NLRP6: variants seen among roughly 807,000 people sequenced by gnomAD.
NLRP6 encodes the protein NLR family pyrin domain containing 6.
Under a neutral mutation model 70.9 loss-of-function variants are expected in NLRP6, and 55 were observed. That is an observed-to-expected ratio of 0.78 (90% CI 0.62 to 0.97). NLRP6 has a LOEUF of 0.97. NLRP6 is among the 50% of genes least tolerant of loss of function. The pLI is 0.00. For synonymous variants in NLRP6, 652 were observed against 581.9 expected (o/e 1.12, Z -1.73); for missense variants, 1,241 against 1,238.3 (o/e 1.00, Z -0.03).
In NLRP6 at chr11:281,109, C is replaced by A; in HGVS notation, c.1375C>A (p.Gln459Lys). The change falls in exon 4 of 8, where the codon CAG becomes AAG. Residue 459 changes from glutamine (Q) to lysine (K), a missense_variant. By Grantham distance (53) the Gln-to-Lys change is moderately conservative. Transcript: ENST00000534750. ...AREGVLGRRA[Q>K]FAEKELEQLE... ...CGAGGGCGTCCTCGGACGCAGGGCG[C>A]AGTTTGCCGAGAAGGAACTGGAGCA... 1 of 1,612,752 alleles carries A rather than the reference C, an allele frequency of 6.2e-7. No homozygotes were observed.
In NLRP6 at chr11:280,810, A is replaced by C; in HGVS notation, c.1076A>C (p.Tyr359Ser). 6.2e-7 allele frequency: 1 copy of C among 1,612,926 alleles called. No individual in the cohort carries two copies. The highest frequency in any genetic ancestry group is 8.5e-7 in the Non-Finnish European group (1 of 1,179,850). The change falls in exon 4 of 8, where the codon TAC (tyrosine) becomes TCC (serine). Residue 359 changes from tyrosine (Y) to serine (S), a missense_variant. By Grantham distance (144) the Tyr-to-Ser change is moderately radical. Transcript: ENST00000534750. ...GACAAGGACAAGAAGAAGTATTTCT[A>C]CAAGTATTTCCGGGATGAGAGGAGG... Reference protein sequence around the residue: ...FSDKDKKKYFYKYFRDERRAE... With the variant: ...FSDKDKKKYFSKYFRDERRAE...
chr11:284,416 G>A lies in NLRP6; in HGVS notation c.2369+16G>A. ...AGACGGTCAGGTGAGGCCTGGCCTG[G>A]GAGGGACCGTGGGATGCCCCCGCCA... On this transcript the variant is annotated intron_variant, in intron 6 of 7. Coordinates refer to ENST00000534750, the MANE Select transcript of NLRP6 (RefSeq NM_001276700.2). 6.2e-7 allele frequency: 1 copy of A among 1,600,094 alleles called. No homozygotes were observed. The highest frequency in any genetic ancestry group is 8.5e-7 in the Non-Finnish European group (1 of 1,170,904).
Position 280,616 on chromosome 11 carries a change from C to T in NLRP6, c.882C>T (p.Pro294=). Residue 294 remains proline, a synonymous_variant, in exon 4 of 8, where the codon CCC becomes CCT. Transcript: ENST00000534750. The part of the protein sequence containing the change: ...LPALGGPEAA[P]CTDPFEAASG... ...CGCTGGGGGGCCCCGAGGCCGCGCC[C>T]TGCACAGACCCCTTCGAGGCGGCGA... is the stretch of plus-strand genomic sequence containing the variant. The T allele has an allele frequency of 2.7e-6, 4 of 1,483,470 alleles. 1 individual carries two copies. The South Asian group carries it at 5.4e-5, about 20-fold the overall frequency. 91.9% of individuals were successfully genotyped at this position (1,483,470 alleles called of 1,614,324 possible).
Position 279,464 on chromosome 11 carries a change from TG to T in NLRP6, c.169del (p.Glu57SerfsTer77). 1 of 1,416,328 alleles carries T rather than the reference TG, an allele frequency of 7.1e-7. No individual in the cohort carries two copies. Among genetic ancestry groups the T allele is most frequent in the South Asian group, 1.5e-5 (1 of 67,776 alleles). 87.7% of individuals were successfully genotyped at this position (1,416,328 alleles called of 1,614,324 possible). A position where few individuals can be genotyped will look rare whatever the true frequency, so the allele number is the denominator to read the frequency against. On this transcript the variant is annotated frameshift_variant, in exon 2 of 8. Transcript: ENST00000534750. LOFTEE classifies it high-confidence loss of function. ...GGACGCAGCATCCCGTGGGGGCGGC[TG>T]GAGCGCGCGGACGCCGTGGACCTCG... ...PDGRSIPWGR[L>X]ERADAVDLAE...
intron 7 of NLRP6, 117 bp downstream of exon 7, chr11:284,759 G>A: frequency 1.0e-6 from 1 of 970,612 alleles, no homozygotes; most frequent in South Asian, 1.6e-5. Flanking sequence ...GACCTCCCAT[G>A]TGACTGAGCT....
rs750200442 is a variant in NLRP6 at position 280,571 on chromosome 11, C to T, written c.837C>T (p.Asp279=). ...AQPQRLLFIL[D]GADELPALGG... is the part of the protein sequence containing the mutation. ...CGCAGCGGCTGCTCTTCATCCTGGA[C>T]GGCGCGGACGAGCTGCCGGCGCTGG... The change falls in exon 4 of 8, where the codon GAC becomes GAT. Residue 279 remains aspartate (D), a synonymous_variant. Transcript: ENST00000534750. The T allele has an allele frequency of 2.2e-5, 33 of 1,469,760 alleles. No homozygotes were observed. The highest frequency in any genetic ancestry group is 2.8e-5 in the Non-Finnish European group (32 of 1,124,846). 91.0% of individuals were successfully genotyped at this position (1,469,760 alleles called of 1,614,324 possible).
At position 281,176 on chromosome 11, in the gene NLRP6, G is replaced by T; in HGVS notation, c.1442G>T (p.Ser481Ile). The T allele has an allele frequency of 6.2e-7, 1 of 1,613,188 alleles. No individual in the cohort carries two copies. Residue 481 changes from serine to isoleucine, a missense_variant, in exon 4 of 8, where the codon AGC becomes ATC. Physicochemically the swap from Ser to Ile is moderately radical, Grantham distance 142 (BLOSUM62 -2). Coordinates refer to ENST00000534750, the MANE Select transcript of NLRP6 (RefSeq NM_001276700.2). ...RGSKVQTLFL[S>I]KKELPGVLET... ...TCCAAAGTGCAGACGCTGTTTCTCA[G>T]CAAAAAGGAGCTGCCGGGCGTGCTG...
chr11:284,555 A>T lies in NLRP6; in HGVS notation c.2450A>T (p.Asp817Val), dbSNP rs780417395. The change falls in exon 7 of 8, where the codon GAT (aspartate) becomes GTT (valine). Residue 817 changes from aspartate (D) to valine (V), a missense_variant. Asp to Val is a radical substitution (Grantham distance 152). Transcript: ENST00000534750. ...CAGAGCCCTGCCCTGACCACCCTGG[A>T]TCTCAGCGGCTGCCAACTGCCCGCC... ...LRQSPALTTL[D>V]LSGCQLPAPM... is the part of the protein sequence containing the mutation. The T allele has an allele frequency of 1.2e-6, 2 of 1,612,694 alleles. No homozygotes were observed. Among genetic ancestry groups the T allele is most frequent in the Non-Finnish European group, 1.7e-6 (2 of 1,179,812 alleles).
Position 285,293 on chromosome 11 carries a change from T to C in NLRP6, c.2665T>C (p.Ser889Pro). ...CCCACAACCTCCCAAGGAACTCATC[T>C]CGACCTTCTGAGGCTCTGGTGGCCA... ...GHPQPPKELI[S>P]TF Residue 889 changes from serine to proline, a missense_variant, in exon 8 of 8, where the codon TCG becomes CCG. Physicochemically the swap from Ser to Pro is moderately conservative, Grantham distance 74. Coordinates refer to ENST00000534750, the MANE Select transcript of NLRP6 (RefSeq NM_001276700.2). 6.2e-7 allele frequency: 1 copy of C among 1,609,156 alleles called. No homozygotes were observed. Among genetic ancestry groups the C allele is most frequent in the Non-Finnish European group, 8.5e-7 (1 of 1,177,582 alleles).
Position 278,457 on chromosome 11 carries a change from T to G in NLRP6, c.-113T>G. 1.2e-6 allele frequency: 1 copy of G among 829,732 alleles called. No individual in the cohort carries two copies. The allele number at this position is 829,732 out of a possible 1,614,324, so 51.4% of individuals were successfully genotyped here. ...AGCTGCGGTGTGTGGACCCGGGGAATGGACCGGGCTGGACAACCTCTAAGA... is the reference window on the plus strand; with the variant it reads ...AGCTGCGGTGTGTGGACCCGGGGAAGGGACCGGGCTGGACAACCTCTAAGA... On this transcript the variant is annotated 5_prime_UTR_variant, in exon 1 of 8. An upstream start codon of the reference 5' UTR is lost. Coordinates refer to ENST00000534750, the MANE Select transcript of NLRP6 (RefSeq NM_001276700.2). This position sits in a 1 kb window ranked among gnomAD's most constrained non-coding sequence, Gnocchi z 4.7.
rs748876484 is a variant in NLRP6 at position 279,879 on chromosome 11, C to G, written c.349+7C>G. ...ACGCTGCTCTCCGTGTCCGGTGGGT[C>G]TCTCGCTGGGGGGGCACGAGTGTCC... On this transcript the variant is annotated splice_region_variant and intron_variant, in intron 3 of 7. Coordinates refer to ENST00000534750, the MANE Select transcript of NLRP6 (RefSeq NM_001276700.2). 1.7e-5 allele frequency: 26 copies of G among 1,536,466 alleles called. No individual in the cohort carries two copies. Among genetic ancestry groups the G allele is most frequent in the Non-Finnish European group, 2.1e-5 (24 of 1,145,420 alleles).
chr11:280,164 A>G lies in NLRP6; in HGVS notation c.430A>G (p.Thr144Ala), dbSNP rs1845446698. The change falls in exon 4 of 8, where the codon ACC becomes GCC. Residue 144 changes from threonine (T) to alanine (A), a missense_variant. Coordinates refer to ENST00000534750, the MANE Select transcript of NLRP6 (RefSeq NM_001276700.2). ...KERNARSVKI[T>A]KRFTKLLIAP... is the part of the protein sequence containing the mutation. ...GAGGAACGCCCGCTCCGTGAAGATCACCAAGCGCTTCACCAAGCTGCTCAT... is the reference window on the plus strand; with the variant it reads ...GAGGAACGCCCGCTCCGTGAAGATCGCCAAGCGCTTCACCAAGCTGCTCAT... 3 of 1,550,728 alleles carry G rather than the reference A, an allele frequency of 1.9e-6. No individual in the cohort carries two copies. The highest frequency in any genetic ancestry group is 2.6e-6 in the Non-Finnish European group (3 of 1,147,920).
Position 284,489 on chromosome 11 carries a change from A to G in NLRP6, c.2384A>G (p.Asp795Gly), listed in dbSNP as rs200680558. ...RVQTVRVQLP[D>G]PQRGLQYLVG... ...CCCTCCCACAGGGTACAGCTGCCTG[A>G]CCCCCAGCGAGGGCTCCAGTACCTG... The change falls in exon 7 of 8, where the codon GAC (aspartate) becomes GGC (glycine). Residue 795 changes from aspartate to glycine, a missense_variant. Physicochemically the swap from Asp to Gly is moderately conservative, Grantham distance 94. Coordinates refer to ENST00000534750, the MANE Select transcript of NLRP6 (RefSeq NM_001276700.2). The G allele has an allele frequency of 2.4e-5, 38 of 1,612,596 alleles. No homozygotes were observed. The East Asian group carries it at 2.9e-4, about 12-fold the overall frequency.
chr11:284,306 G>A lies in NLRP6; in HGVS notation c.2275G>A (p.Glu759Lys), dbSNP rs777558021. 1.9e-6 allele frequency: 3 copies of A among 1,612,582 alleles called. No individual in the cohort carries two copies. The South Asian group carries it at 3.3e-5, about 18-fold the overall frequency. ...CCTGAGGGCAGCCCCCGCACTGACG[G>A]AGCTGGGCCTCCTCCACAACAGGCT... Reference protein sequence around the residue: ...EALRAAPALTELGLLHNRLSE... With the variant: ...EALRAAPALTKLGLLHNRLSE... Residue 759 changes from glutamate to lysine, a missense_variant, in exon 6 of 8, where the codon GAG becomes AAG. Transcript: ENST00000534750.
At position 280,026 on chromosome 11, in the gene NLRP6, G is replaced by A. The variant is rs925300146; in HGVS notation, c.350-58G>A. 19 of 1,431,072 alleles carry A rather than the reference G, an allele frequency of 1.3e-5. No homozygotes were observed. The East Asian group carries it at 4.6e-4, about 35-fold the overall frequency. The allele number at this position is 1,431,072 out of a possible 1,614,324, so 88.6% of individuals were successfully genotyped here. A position where few individuals can be genotyped will look rare whatever the true frequency, so the allele number is the denominator to read the frequency against. The stretch of plus-strand genomic sequence containing the variant: ...GCCGGGGAGGGCGTGGGCTCCCGGA[G>A]GGCGCAGCCTGCCCCACCTCCGACC... On this transcript the variant is annotated intron_variant, in intron 3 of 7. Transcript: ENST00000534750.
rs1407329441 is a variant in NLRP6, at chr11:278,585, G to C, written c.16G>C (p.Ala6Pro). The change falls in exon 1 of 8, where the codon GCC becomes CCC. Residue 6 changes from alanine (A) to proline (P), a missense_variant. Transcript: ENST00000534750. This position sits in a 1 kb window ranked among gnomAD's most constrained non-coding sequence, Gnocchi z 4.7. MDQPE[A>P]PCSSTGPRLA... ...AAGAGACCCCATGGACCAGCCAGAG[G>C]CCCCCTGCTCCAGGTGAGTGCTGGC... The C allele has an allele frequency of 2.5e-6, 4 of 1,590,232 alleles. No homozygotes were observed. The African/African-American group carries it at 4.1e-5, about 16-fold the overall frequency.
rs1481405216 is a variant in NLRP6, at chr11:281,550, C to T, written c.1816C>T (p.Pro606Ser). Residue 606 changes from proline to serine, a missense_variant, in exon 4 of 8, where the codon CCA becomes TCA. Coordinates refer to ENST00000534750, the MANE Select transcript of NLRP6 (RefSeq NM_001276700.2). ...GAKGLEDTEE[P>S]EEEEEGEEPN... ...CAAAGGGCTCGAGGACACCGAAGAG[C>T]CAGAGGAGGAGGAGGAGGGAGAGGA... 1.9e-6 allele frequency: 3 copies of T among 1,610,816 alleles called. No homozygotes were observed. Among genetic ancestry groups the T allele is most frequent in the Non-Finnish European group, 2.5e-6 (3 of 1,178,724 alleles).
intron 1 of NLRP6, 75 bp from the exon 2 acceptor site, chr11:279,252 C>T (rs967362508): frequency 1.7e-6 from 2 of 1,185,566 alleles, no homozygotes; most frequent in African/African-American, 3.2e-5. Context: ...GGTGGGTTCT[C>T]CGGCGCCAGA....
intron 7 of NLRP6, 145 bp downstream of exon 7, chr11:284,787 G>A (rs929396997): frequency 1.3e-6 from 1 of 797,076 alleles, no homozygotes; most frequent in Non-Finnish European, 2.0e-6. Flanking sequence ...TGACCTGGGA[G>A]CCCAGCCCTG....
Sources: gnomAD v4.1 joint callset for allele counts on GRCh38, gnomAD v4.1.1 for gene constraint, Gnocchi (gnomAD v3.1) non-coding constraint, MANE v1.5 for transcripts, NCBI Gene and HGNC (gene_info 2026-07-23, HGNC 2026-07-21) for gene names.